The following PLXND1 variants were observed in gnomAD, a reference collection of about 807,000 sequenced individuals.
The protein encoded by PLXND1 is plexin D1.
Under a neutral mutation model 197.7 loss-of-function variants are expected in PLXND1, and 54 were observed. The observed-to-expected ratio is 0.27, with a 90% CI of 0.22 to 0.34. The LOEUF (loss-of-function observed/expected upper bound fraction) is 0.34, where lower values mean the gene tolerates loss of function less well. Among genes scored for constraint, PLXND1 ranks in the 10% least tolerant of loss-of-function variants. The pLI, the probability that PLXND1 is intolerant of heterozygous loss-of-function variation, is 1.00. For missense variants in PLXND1, 2,127 were observed against 2,699.2 expected (o/e 0.79, Z 4.70); for synonymous variants, 1,180 against 1,161.2 (o/e 1.02, Z -0.33).
intron 22 of PLXND1, 82 bp downstream of exon 22, chr3:129,567,410 T>C: frequency 4.9e-6 from 4 of 815,396 alleles, no homozygotes; most frequent in South Asian, 1.5e-5. Context: ...CAAGGGACCC[T>C]ATAGGCTGGC....
chr3:129,587,223 CG>C (rs1343013998), intron 2 of PLXND1, among the ~76,000 whole-genome samples: 1 of 152,168 alleles, frequency 6.6e-6, no homozygotes, highest in African/African-American at 2.4e-5. Flanking sequence ...TTCCTCCCCC[CG>C]ACGCCCATTT....
In PLXND1 at chr3:129,592,560, G is replaced by A. The variant is rs571128904; in HGVS notation, c.1312-3033C>T. 1.6e-4 allele frequency among the ~76,000 whole-genome samples: 24 copies of A among 152,238 alleles called. 1 individual carries two copies. The East Asian group carries it at 3.5e-3, about 22-fold the overall frequency. The stretch of plus-strand genomic sequence containing the variant: ...CCAGCTCGGGGTGATCTGTGGGCTA[G>A]GGCAGCAGGGAGGAGGGGAGCAGGA... On this transcript the variant is annotated intron_variant, in intron 1 of 35. Coordinates refer to ENST00000324093, the MANE Select transcript of PLXND1 (RefSeq NM_015103.3).
chr3:129,558,524 A>G lies in PLXND1; in HGVS notation c.5349T>C (p.Phe1783=). The part of the protein sequence containing the change: ...VNILKNPQFV[F]DIDKTDHIDA... Reference sequence around the variant, plus strand: ...CGATGTGGTCTGTCTTGTCGATGTCAAAGACAAACTGGGGGTTCTTCAGGA... The same window carrying G: ...CGATGTGGTCTGTCTTGTCGATGTCGAAGACAAACTGGGGGTTCTTCAGGA... The change falls in exon 33 of 36, where the codon TTT becomes TTC. Residue 1783 remains phenylalanine, a synonymous_variant. Transcript: ENST00000324093. The surrounding 1 kb of genome is among the most constrained non-coding windows in gnomAD (Gnocchi z 4.1). The G allele has an allele frequency of 6.2e-7, 1 of 1,614,014 alleles. No individual in the cohort carries two copies. The highest frequency in any genetic ancestry group is 1.3e-5 in the African/African-American group (1 of 75,044).
chr3:129,592,799 C>T (rs1273263470), intron 1 of PLXND1, among the ~76,000 whole-genome samples: 2 of 152,234 alleles, frequency 1.3e-5, no homozygotes, highest in Non-Finnish European at 1.5e-5. Flanking sequence ...GCTGATTCCC[C>T]AGCTGCCAGG....
chr3:129,605,232 T>C, intron 1 of PLXND1, 97 bp downstream of exon 1: 1 of 535,400 alleles, frequency 1.9e-6, no homozygotes. Context: ...CTCCCACCTG[T>C]GACCCACTCA....
chr3:129,590,339 C>T (rs1177721688), intron 1 of PLXND1, among the ~76,000 whole-genome samples: 1 of 152,264 alleles, frequency 6.6e-6, no homozygotes, highest in East Asian at 1.9e-4. Context: ...CCTTCCCTCC[C>T]TTCTCCTGGG....
Position 129,571,797 on chromosome 3 carries a change from G to A in PLXND1, c.3125C>T (p.Pro1042Leu), listed in dbSNP as rs140515853. The A allele has an allele frequency of 1.5e-4, 247 of 1,613,194 alleles. No homozygotes were observed. In the Middle Eastern group the frequency reaches 2.0e-3, roughly 13 times the overall value. Residue 1042 changes from proline to leucine, a missense_variant, in exon 16 of 36, where the codon CCG becomes CTG. Coordinates refer to ENST00000324093, the MANE Select transcript of PLXND1 (RefSeq NM_015103.3). The stretch of plus-strand genomic sequence containing the variant: ...GCGCACACACACAGGCACCGGAGCC[G>A]GCAGGGCCCCCTCAGGCATGGTGCA... ...IACTMPEGAL[P>L]APVPVCVRFE... is the part of the protein sequence containing the mutation.
chr3:129,581,758 C>T (rs770157089), intron 8 of PLXND1, among the ~76,000 whole-genome samples: 6 of 152,200 alleles, frequency 3.9e-5, no homozygotes, highest in African/African-American at 1.4e-4. Flanking sequence ...TAGTCCAACT[C>T]GGTTCTTTCC....
chr3:129,564,103 G>A (rs1240757346), intron 25 of PLXND1, among the ~76,000 whole-genome samples: 1 of 152,186 alleles, frequency 6.6e-6, no homozygotes, highest in Non-Finnish European at 1.5e-5. Context: ...TGTGGTTCCT[G>A]ATGGCCCACA....
chr3:129,573,522 G>A, intron 13 of PLXND1, 72 bp downstream of exon 13: 1 of 1,384,966 alleles, frequency 7.2e-7, no homozygotes, highest in Non-Finnish European at 1.0e-6. Flanking sequence ...GGATGGGGAG[G>A]GAGGAGTGAG....
At chr3:129,568,859 G>A (rs1353426158) in intron 20 of PLXND1, among the ~76,000 whole-genome samples, 1 of 152,122 alleles carries the variant, frequency 6.6e-6, no homozygotes, top group Non-Finnish European at 1.5e-5. Flanking sequence ...TAATTCAATG[G>A]TTTCTAGTAT....
In PLXND1 at chr3:129,567,610, G is replaced by A. The variant is rs550592038; in HGVS notation, c.3974-6C>T. ...TGTCTGCAGCTCAGCGAAGCCTGGC[G>A]GACACACGGACAGCCGTGAGCGGCC... On this transcript the variant is annotated splice_polypyrimidine_tract_variant and splice_region_variant and intron_variant, in intron 21 of 35. Coordinates refer to ENST00000324093, the MANE Select transcript of PLXND1 (RefSeq NM_015103.3). 2.8e-5 allele frequency: 45 copies of A among 1,602,680 alleles called. No homozygotes were observed. Among genetic ancestry groups the A allele is most frequent in the African/African-American group, 2.0e-4 (15 of 74,698 alleles).
At chr3:129,571,422 G>A (rs1264395146) in intron 17 of PLXND1, 87 bp downstream of exon 17, 2 of 1,515,490 alleles carry the variant, frequency 1.3e-6, no homozygotes. Context: ...AGGGGACAGA[G>A]ATGCAGTGGG....
At chr3:129,589,313 C>CCCCCCCCCCCCCCCCCCCACCCCCCCCCA in intron 2 of PLXND1, 38 bp downstream of exon 2, 2 of 592,308 alleles carry the variant, frequency 3.4e-6, no homozygotes, top group Non-Finnish European at 3.0e-6. Flanking sequence ...GGGAGCCTCC[C>CCCCCCCCCCCCCCCCCCCACCCCCCCCCA]ACCCCCACCC....
At chr3:129,583,351 C>T (rs1318217681) in intron 8 of PLXND1, among the ~76,000 whole-genome samples, 2 of 152,224 alleles carry the variant, frequency 1.3e-5, no homozygotes, top group African/African-American at 2.4e-5. Flanking sequence ...TGCATAGTGC[C>T]CTGGCTATAT....
chr3:129,576,799 G>A (rs1485019662), intron 9 of PLXND1, among the ~76,000 whole-genome samples: 2 of 152,200 alleles, frequency 1.3e-5, no homozygotes, highest in Admixed American at 6.5e-5. Context: ...GGCCTAATAT[G>A]TGCTTGCTAT....
At chr3:129,573,864 G>C in intron 12 of PLXND1, 119 bp from the exon 13 acceptor site, 1 of 1,141,328 alleles carries the variant, frequency 8.8e-7, no homozygotes, top group Non-Finnish European at 1.2e-6. Flanking sequence ...CTTAGAGGAA[G>C]GTCTGGAGGC....
rs2085250488 is a variant in PLXND1 at position 129,572,603 on chromosome 3, G to A, written c.3077+6C>T. 1.3e-6 allele frequency: 2 copies of A among 1,515,572 alleles called. No homozygotes were observed. The highest frequency in any genetic ancestry group is 1.4e-5 in the African/African-American group (1 of 71,848). The allele number at this position is 1,515,572 out of a possible 1,614,324, so 93.9% of individuals were successfully genotyped here. A position where few individuals can be genotyped will look rare whatever the true frequency, so the allele number is the denominator to read the frequency against. ...TGGAAGGGATGGGCCAGGCCCAGAG[G>A]CTTACATCAGCTCCGTGCAGGGGTC... On this transcript the variant is annotated splice_donor_region_variant and intron_variant, in intron 15 of 35. Transcript: ENST00000324093.
At position 129,561,637 on chromosome 3, in the gene PLXND1, C is replaced by T; in HGVS notation, c.4993+9G>A. 1 of 1,599,142 alleles carries T rather than the reference C, an allele frequency of 6.3e-7. No homozygotes were observed. The highest frequency in any genetic ancestry group is 8.5e-7 in the Non-Finnish European group (1 of 1,170,836). ...GCCTGGGCTCCCTTCCCACGTGCACCCGCACTACCTCGGCCCAGTGTGTTG... is the reference window on the plus strand; with the variant it reads ...GCCTGGGCTCCCTTCCCACGTGCACTCGCACTACCTCGGCCCAGTGTGTTG... On this transcript the variant is annotated intron_variant, in intron 29 of 35. Transcript: ENST00000324093.
Sources: allele counts gnomAD v4.1 joint callset (sites outside exome capture counted in the v4.1 genomes callset), GRCh38; gene constraint gnomAD v4.1.1; non-coding constraint Gnocchi (gnomAD v3.1); transcripts MANE v1.5; gene names NCBI Gene and HGNC (gene_info 2026-07-23, HGNC 2026-07-21).